The following SPOCK3 variants were observed in gnomAD, a reference collection of about 807,000 sequenced individuals.
The protein encoded by SPOCK3 is testican-3.
A neutral mutation model predicts 56.6 loss-of-function variants in SPOCK3; 30 were observed. The observed-to-expected ratio is 0.53, with a 90% CI of 0.40 to 0.72. The LOEUF (loss-of-function observed/expected upper bound fraction) is 0.72. SPOCK3 is among the 30% of genes least tolerant of loss of function. The pLI, the probability that SPOCK3 is intolerant of heterozygous loss-of-function variation, is 0.00. For missense variants in SPOCK3, 527 were observed against 530.0 expected, an observed-to-expected ratio of 0.99 and a Z score of 0.06; for synonymous variants, 196 against 183.3, an observed-to-expected ratio of 1.07 and a Z score of -0.56.
At chr4:166,967,235 C>T (rs1744836344) in intron 4 of SPOCK3, among the ~76,000 whole-genome samples, 1 of 152,136 alleles carries the variant, frequency 6.6e-6, no homozygotes. Flanking sequence ...TTGTCTGGCA[C>T]CCGCCTAATC....
chr4:167,027,814 G>C (rs1361673910), intron 3 of SPOCK3, among the ~76,000 whole-genome samples: 3 of 152,040 alleles, frequency 2.0e-5, no homozygotes, highest in African/African-American at 7.2e-5. Context: ...AAGCCGAGGA[G>C]GAGGAGGAAG....
rs367811359 is a variant in SPOCK3 at position 166,800,183 on chromosome 4, GAA to G, written c.590-7896_590-7895del. On this transcript the variant is annotated intron_variant, in intron 6 of 10. Coordinates refer to ENST00000357545, the MANE Select transcript of SPOCK3 (RefSeq NM_001040159.2). Reference sequence around the variant, plus strand: ...GGCGACAGAGAGAGACTCCATCTCAGAAAAAAAAAAAAAAAAAAAAAAATGAA... The same window carrying G: ...GGCGACAGAGAGAGACTCCATCTCAGAAAAAAAAAAAAAAAAAAAAATGAA... Among the ~76,000 whole-genome samples, 461 of 51,756 alleles carry G rather than the reference GAA, an allele frequency of 8.9e-3. 4 individuals carry two copies. Among genetic ancestry groups the G allele is most frequent in the African/African-American group, 0.032 (402 of 12,630 alleles). 34.0% of individuals were successfully genotyped at this position (51,756 alleles called of 152,430 possible).
intron 2 of SPOCK3, among the ~76,000 whole-genome samples, chr4:167,091,645 A>C (rs138115009): frequency 6.6e-6 from 1 of 152,306 alleles, no homozygotes; most frequent in Non-Finnish European, 1.5e-5. Context: ...CAGTGTCATC[A>C]TCAGAAACAA....
At chr4:167,055,083 T>A (rs1754648819) in intron 3 of SPOCK3, among the ~76,000 whole-genome samples, 1 of 152,130 alleles carries the variant, frequency 6.6e-6, no homozygotes, top group Admixed American at 6.5e-5. Context: ...TAAAACAATA[T>A]AAATATCAGT....
At chr4:166,888,454 T>C (rs966408562) in intron 6 of SPOCK3, among the ~76,000 whole-genome samples, 2 of 152,060 alleles carry the variant, frequency 1.3e-5, no homozygotes, top group Non-Finnish European at 2.9e-5. Context: ...GGGCTGGAGC[T>C]AGCAGCCATG....
chr4:166,918,181 T>C (rs1404667791), intron 4 of SPOCK3, among the ~76,000 whole-genome samples: 1 of 152,188 alleles, frequency 6.6e-6, no homozygotes, highest in Admixed American at 6.5e-5. Flanking sequence ...ACAGTTGCTA[T>C]TAGCTGACTG....
intron 4 of SPOCK3, among the ~76,000 whole-genome samples, chr4:166,936,565 T>C (rs1740430733): frequency 6.6e-6 from 1 of 152,052 alleles, no homozygotes; most frequent in Admixed American, 6.6e-5. Flanking sequence ...AGTTATCCAG[T>C]GGCACAGCTT....
At chr4:166,889,326 A>G in intron 5 of SPOCK3, 82 bp from the exon 6 acceptor site, 2 of 834,354 alleles carry the variant, frequency 2.4e-6, no homozygotes, top group Non-Finnish European at 3.9e-6. Context: ...AAAGAAAGGT[A>G]ATTTTTGATG....
rs566263970 is a variant in SPOCK3, at chr4:166,787,712, C to T, written c.709+4458G>A. 7.0e-4 allele frequency among the ~76,000 whole-genome samples: 107 copies of T among 151,922 alleles called. 2 individuals are homozygous for T. In the South Asian group the frequency reaches 0.014, roughly 20 times the overall value. ...ATTCACATAATTTTAAAAAGACTGG[C>T]GAAAATGACTGGTTTTATATTATTT... On this transcript the variant is annotated intron_variant, in intron 7 of 10. Coordinates refer to ENST00000357545, the MANE Select transcript of SPOCK3 (RefSeq NM_001040159.2).
intron 6 of SPOCK3, among the ~76,000 whole-genome samples, chr4:166,864,481 C>T (rs1731576171): frequency 6.6e-6 from 1 of 151,802 alleles, no homozygotes; most frequent in Non-Finnish European, 1.5e-5. Flanking sequence ...TCAAAACATC[C>T]ATGAATCTAG....
chr4:166,999,200 C>T (rs1462106989), intron 4 of SPOCK3, among the ~76,000 whole-genome samples: 1 of 152,084 alleles, frequency 6.6e-6, no homozygotes, highest in Non-Finnish European at 1.5e-5. Context: ...ATTGATATAC[C>T]ATGATTCTAA....
At chr4:166,879,229 A>T (rs2126973974) in intron 6 of SPOCK3, among the ~76,000 whole-genome samples, 1 of 152,290 alleles carries the variant, frequency 6.6e-6, no homozygotes, top group East Asian at 1.9e-4. Context: ...CTGGTTTACC[A>T]ATAAGAGTTA....
At chr4:166,813,184 G>T (rs1744016667) in intron 6 of SPOCK3, among the ~76,000 whole-genome samples, 1 of 151,982 alleles carries the variant, frequency 6.6e-6, no homozygotes, top group African/African-American at 2.4e-5. Flanking sequence ...CGATCTCATT[G>T]TCTCTCCACA....
intron 2 of SPOCK3, among the ~76,000 whole-genome samples, chr4:167,202,927 T>C (rs1733662833): frequency 6.6e-6 from 1 of 151,940 alleles, no homozygotes; most frequent in African/African-American, 2.4e-5. Flanking sequence ...CATTCTTTTG[T>C]CATTTTTATG....
rs747357259 is a variant in SPOCK3, at chr4:166,733,585, C to T, written c.*1336G>A. On this transcript the variant is annotated 3_prime_UTR_variant, in exon 11 of 11. Coordinates refer to ENST00000357545, the MANE Select transcript of SPOCK3 (RefSeq NM_001040159.2). ...ACTGTTGAAATTAAAGATACCAATA[C>T]GTAACATTCAACAGGTTTTTCCATT... 45 of 151,832 alleles carry T rather than the reference C, an allele frequency of 3.0e-4. No individual in the cohort carries two copies. The highest frequency in any genetic ancestry group is 1.1e-3 in the African/African-American group (44 of 41,398). 9.4% of individuals were successfully genotyped at this position (151,832 alleles called of 1,614,324 possible). A position where few individuals can be genotyped will look rare whatever the true frequency, so the allele number is the denominator to read the frequency against.
At chr4:166,948,521 A>AT (rs1043480394) in intron 4 of SPOCK3, among the ~76,000 whole-genome samples, 28 of 151,272 alleles carry the variant, frequency 1.9e-4, no homozygotes, top group Non-Finnish European at 3.0e-4. Context: ...CCTCACCAAC[A>AT]TTTTTTTTTA....
intron 4 of SPOCK3, among the ~76,000 whole-genome samples, chr4:166,964,675 A>G (rs1744501532): frequency 6.6e-6 from 1 of 151,708 alleles, no homozygotes; most frequent in African/African-American, 2.4e-5. Context: ...GAAGGCACGC[A>G]AATCTACTAG....
intron 6 of SPOCK3, among the ~76,000 whole-genome samples, chr4:166,796,377 G>A (rs1741941704): frequency 1.3e-5 from 2 of 152,142 alleles, no homozygotes; most frequent in South Asian, 4.1e-4. Context: ...GATGCTCTGG[G>A]AAGTTTCAAA....
At chr4:166,904,073 C>A (rs1736350986) in intron 5 of SPOCK3, among the ~76,000 whole-genome samples, 1 of 151,688 alleles carries the variant, frequency 6.6e-6, no homozygotes, top group Non-Finnish European at 1.5e-5. Flanking sequence ...TGTTTAATTA[C>A]ATATTATGCA....
Sources: gnomAD v4.1 joint callset for allele counts (sites outside exome capture counted in the v4.1 genomes callset) on GRCh38, gnomAD v4.1.1 for gene constraint, MANE v1.5 for transcripts, NCBI Gene and HGNC (gene_info 2026-07-23, HGNC 2026-07-21) for gene names.